Variants in ANPEP observed in about 807,000 individuals in gnomAD.
ANPEP encodes alanyl aminopeptidase, membrane, also known as aminopeptidase N.
A neutral mutation model predicts 114.6 loss-of-function variants in ANPEP; 70 were observed. That is an observed-to-expected ratio of 0.61 (90% CI 0.50 to 0.75). The LOEUF (loss-of-function observed/expected upper bound fraction) is 0.75, where lower values mean the gene tolerates loss of function less well. Ranked by LOEUF, ANPEP falls within the 30% of genes least tolerant of loss-of-function variation. ANPEP has a pLI of 0.00. For missense variants in ANPEP, 1,184 were observed against 1,259.5 expected, an observed-to-expected ratio of 0.94 and a Z score of 0.91; for synonymous variants, 548 against 522.3, an observed-to-expected ratio of 1.05 and a Z score of -0.67.
chr15:89,801,768 C>T (rs1894597052), intron 10 of ANPEP, among the ~76,000 whole-genome samples, 161 bp from the exon 11 acceptor site: 1 of 152,226 alleles, frequency 6.6e-6, no homozygotes, highest in Non-Finnish European at 1.5e-5. Context: ...TACCGTCCAG[C>T]TCTGCCTCTC....
intron 14 of ANPEP, among the ~76,000 whole-genome samples, chr15:89,798,254 C>A (rs1478197259): frequency 1.3e-5 from 2 of 152,192 alleles, no homozygotes; most frequent in Non-Finnish European, 2.9e-5. Flanking sequence ...TCAATAAGTA[C>A]CTGTTTATCC....
chr15:89,804,107 T>C (rs41276914), intron 6 of ANPEP, 105 bp from the exon 7 acceptor site: 143,537 of 1,543,600 alleles, frequency 0.093, 7,341 homozygotes, highest in South Asian at 0.1. Context: ...ACAGTGGGGA[T>C]TTCAACACCA....
rs554683576 is a variant in ANPEP at position 89,799,632 on chromosome 15, C to G, written c.1820-73G>C. On this transcript the variant is annotated intron_variant, in intron 12 of 20. Coordinates refer to ENST00000300060, the MANE Select transcript of ANPEP (RefSeq NM_001150.3). The surrounding 1 kb of genome is among the most constrained non-coding windows in gnomAD (Gnocchi z 4.2). ...CTGACCCCTGGACCTCTTGCAAGAG[C>G]AGCTGCCCCCGCAGCCTGGCACCAC... 6.6e-5 allele frequency: 105 copies of G among 1,597,530 alleles called. 1 individual carries two copies. The South Asian group carries it at 1.1e-3, about 17-fold the overall frequency.
intron 1 of ANPEP, among the ~76,000 whole-genome samples, chr15:89,810,898 C>T (rs1290515000): frequency 6.6e-6 from 1 of 152,248 alleles, no homozygotes; most frequent in Non-Finnish European, 1.5e-5. Context: ...TCCCTTCCTC[C>T]CTACACACAA....
At position 89,803,815 on chromosome 15, in the gene ANPEP, G is replaced by C; in HGVS notation, c.1294-25C>G. The C allele has an allele frequency of 6.2e-7, 1 of 1,610,838 alleles. No homozygotes were observed. On this transcript the variant is annotated intron_variant, in intron 7 of 20. Coordinates refer to ENST00000300060, the MANE Select transcript of ANPEP (RefSeq NM_001150.3). The surrounding 1 kb of genome is among the most constrained non-coding windows in gnomAD (Gnocchi z 4.2). The stretch of plus-strand genomic sequence containing the variant: ...TCTGCAAATTCCCCAGGGCCATCAG[G>C]AGACTGGCCTGGTAGCGGTGGCCCA...
Position 89,810,507 on chromosome 15 carries a change from G to T in ANPEP, c.-223-3701C>A, listed in dbSNP as rs112580204. Among the ~76,000 whole-genome samples, 204 of 152,254 alleles carry T rather than the reference G, an allele frequency of 1.3e-3. 1 individual carries two copies. Among genetic ancestry groups the T allele is most frequent in the African/African-American group, 4.5e-3 (189 of 41,540 alleles). On this transcript the variant is annotated intron_variant, in intron 1 of 20. Transcript: ENST00000300060. ...AATCGCTCGAACCCAAGAGGTGGAG[G>T]TTGCAGTGGGCGGAGATCGTGCCAC...
chr15:89,806,275 A>G lies in ANPEP; in HGVS notation c.309T>C (p.Phe103=), dbSNP rs1158626850. ...TGAAACGGACGGTGCTGGAGCCCTT[A>G]AAAACGTACAGGCCCCTGTCATTGG... ...LTPNDRGLYV[F]KGSSTVRFTC... Residue 103 remains phenylalanine (F), a synonymous_variant, in exon 2 of 21, where the codon TTT becomes TTC. Transcript: ENST00000300060. This position sits in a 1 kb window ranked among gnomAD's most constrained non-coding sequence, Gnocchi z 5.7. 2 of 1,614,134 alleles carry G rather than the reference A, an allele frequency of 1.2e-6. No individual in the cohort carries two copies. The highest frequency in any genetic ancestry group is 1.7e-6 in the Non-Finnish European group (2 of 1,180,030).
Position 89,785,156 on chromosome 15 carries a change from G to T in ANPEP, c.*193C>A. On this transcript the variant is annotated 3_prime_UTR_variant, in exon 21 of 21. Coordinates refer to ENST00000300060, the MANE Select transcript of ANPEP (RefSeq NM_001150.3). ...GGTTGGCATGAGGGGCAGGGGCTGGGAGGTGCTCAGGCAGCCTGGGTCATC... is the reference window on the plus strand; with the variant it reads ...GGTTGGCATGAGGGGCAGGGGCTGGTAGGTGCTCAGGCAGCCTGGGTCATC... The T allele has an allele frequency of 1.4e-6, 1 of 693,336 alleles. No individual in the cohort carries two copies. The highest frequency in any genetic ancestry group is 2.4e-6 in the Non-Finnish European group (1 of 424,952). The allele number at this position is 693,336 out of a possible 1,614,324, so 42.9% of individuals were successfully genotyped here.
chr15:89,797,408 A>G (rs906628152), intron 15 of ANPEP, 167 bp downstream of exon 15: 3 of 1,036,824 alleles, frequency 2.9e-6, no homozygotes, highest in South Asian at 1.9e-5. Flanking sequence ...GCGTGCTCTC[A>G]GGAGAGAACC....
chr15:89,797,709 G>A lies in ANPEP; in HGVS notation c.2023C>T (p.Pro675Ser), dbSNP rs1377986554. The change falls in exon 15 of 21, where the codon CCT becomes TCT. Residue 675 changes from proline (P) to serine (S), a missense_variant. Transcript: ENST00000300060. ...AFNLASAHKVPVTLALNNTLF... is the reference protein window; with the variant it reads ...AFNLASAHKVSVTLALNNTLF... ...GTGTTGTTCAGCGCCAGAGTGACAG[G>A]GACCTTATGGGCACTGGGAATAAAC... is the stretch of plus-strand genomic sequence containing the variant. The A allele has an allele frequency of 1.2e-6, 2 of 1,614,046 alleles. No individual in the cohort carries two copies. The highest frequency in any genetic ancestry group is 1.1e-5 in the South Asian group (1 of 91,076).
At chr15:89,798,372 C>T (rs1297157210) in intron 14 of ANPEP, among the ~76,000 whole-genome samples, 6 of 152,216 alleles carry the variant, frequency 3.9e-5, no homozygotes. Flanking sequence ...CACGGTGGCT[C>T]ACACCTATAA....
intron 1 of ANPEP, among the ~76,000 whole-genome samples, chr15:89,807,241 T>C (rs6496606): frequency 0.012 from 1,899 of 152,338 alleles, 42 homozygotes; most frequent in African/African-American, 0.043. Context: ...TGAGTTGTTT[T>C]GCTTTTTTTG....
At chr15:89,792,399 G>A (rs1036526199) in intron 17 of ANPEP, 53 bp downstream of exon 17, 1 of 1,612,794 alleles carries the variant, frequency 6.2e-7, no homozygotes, top group Non-Finnish European at 8.5e-7. Context: ...CTGAGGACGG[G>A]GCTGTTGGGG....
intron 20 of ANPEP, among the ~76,000 whole-genome samples, chr15:89,788,473 C>A (rs1968545823): frequency 6.6e-6 from 1 of 151,752 alleles, no homozygotes; most frequent in Non-Finnish European, 1.5e-5. Context: ...GCTGAGGGGA[C>A]CAGGTAGGAA....
chr15:89,800,959 T>A (rs1894575770), intron 12 of ANPEP, 152 bp downstream of exon 12: 2 of 662,052 alleles, frequency 3.0e-6, no homozygotes, highest in African/African-American at 3.6e-5. Context: ...TTGCCCAGAG[T>A]CACACAGCGA....
Position 89,797,745 on chromosome 15 carries a change from A to T in ANPEP, c.2010-23T>A, listed in dbSNP as rs1240927984. 3.1e-6 allele frequency: 5 copies of T among 1,613,310 alleles called. No homozygotes were observed. In the African/African-American group the frequency reaches 5.3e-5, roughly 17 times the overall value. ...GCACTGGGAATAAACAGAGGGGCCC[A>T]AGTAAAGCACCTCCACCCAGCCCAG... On this transcript the variant is annotated intron_variant, in intron 14 of 20. Coordinates refer to ENST00000300060, the MANE Select transcript of ANPEP (RefSeq NM_001150.3).
chr15:89,800,424 TTCCTTCATCTGTAGCC>T (rs1236584884), intron 12 of ANPEP, among the ~76,000 whole-genome samples: 1 of 152,154 alleles, frequency 6.6e-6, no homozygotes, highest in African/African-American at 2.4e-5. Context: ...ACTTCTTGCC[TTCCTTCATCTGTAGCC>T]TTGGCCAAGG....
intron 1 of ANPEP, among the ~76,000 whole-genome samples, chr15:89,811,395 C>T (rs1469342188): frequency 6.6e-6 from 1 of 151,974 alleles, no homozygotes; most frequent in Non-Finnish European, 1.5e-5. Flanking sequence ...GCTTGTAATC[C>T]CTGCACTTCG....
intron 6 of ANPEP, 25 bp from the exon 7 acceptor site, chr15:89,804,027 C>CA: frequency 6.2e-7 from 1 of 1,606,222 alleles, no homozygotes; most frequent in East Asian, 2.3e-5. Flanking sequence ...GTCAGCTGGG[C>CA]AAGCCACGCC....
Sources: allele counts gnomAD v4.1 joint callset (sites outside exome capture counted in the v4.1 genomes callset), GRCh38; gene constraint gnomAD v4.1.1; non-coding constraint Gnocchi (gnomAD v3.1); transcripts MANE v1.5; gene names NCBI Gene and HGNC (gene_info 2026-07-23, HGNC 2026-07-21).